The following SETBP1 variants were observed in gnomAD, a reference collection of about 807,000 sequenced individuals.
SETBP1 encodes the protein SET binding protein 1, also known as SET-binding protein.
In SETBP1, 9 loss-of-function variants were observed where a neutral mutation model predicts 101.0. The observed-to-expected ratio is 0.09, with a 90% confidence interval of 0.05 to 0.16. The LOEUF is 0.16. Among genes scored for constraint, SETBP1 ranks in the 10% least tolerant of loss-of-function variants. The pLI, the probability that SETBP1 is intolerant of heterozygous loss-of-function variation, is 1.00. For missense variants in SETBP1, 1,858 were observed against 2,033.8 expected, an observed-to-expected ratio of 0.91 and a Z score of 1.66; for synonymous variants, 818 against 788.5, an observed-to-expected ratio of 1.04 and a Z score of -0.63.
intron 4 of SETBP1, among the ~76,000 whole-genome samples, chr18:44,973,887 GA>G (rs1277270349): frequency 2.0e-5 from 3 of 152,186 alleles, no homozygotes; most frequent in Non-Finnish European, 2.9e-5. Flanking sequence ...TAAGCTGGCA[GA>G]GGGGGGAGTA....
rs6507583 is a variant in SETBP1 at position 44,819,625 on chromosome 18, A to G, written c.487-49605A>G. 0.15 allele frequency among the ~76,000 whole-genome samples: 22,482 copies of G among 151,968 alleles called. 2,602 individuals carry two copies. Among genetic ancestry groups the G allele is most frequent in the African/African-American group, 0.32 (13,327 of 41,378 alleles). On this transcript the variant is annotated intron_variant, in intron 2 of 5. Coordinates refer to ENST00000649279, the MANE Select transcript of SETBP1 (RefSeq NM_015559.3). ...GGTCCCATGCAGGGCAGAGGAAGGA[A>G]ACTCCCATCCAGGCCCTGTGACTGC...
At chr18:44,754,760 G>A (rs1364091032) in intron 2 of SETBP1, among the ~76,000 whole-genome samples, 1 of 152,084 alleles carries the variant, frequency 6.6e-6, no homozygotes, top group Non-Finnish European at 1.5e-5. Context: ...GTTCTCTTTG[G>A]CTCTCTGTCT....
At position 44,756,800 on chromosome 18, in the gene SETBP1, C is replaced by G. The variant is rs76753255; in HGVS notation, c.486+54968C>G. On this transcript the variant is annotated intron_variant, in intron 2 of 5. Coordinates refer to ENST00000649279, the MANE Select transcript of SETBP1 (RefSeq NM_015559.3). The stretch of plus-strand genomic sequence containing the variant: ...TTCTCAGTGCTTCCCAGGAGGAGAG[C>G]TTGCTCTCCTGGGCTGCTCTGTGAA... Among the ~76,000 whole-genome samples, 1,331 of 152,236 alleles carry G rather than the reference C, an allele frequency of 8.7e-3. 19 individuals are homozygous for G. The highest frequency in any genetic ancestry group is 0.031 in the African/African-American group (1,281 of 41,532).
At chr18:44,727,945 C>A in intron 2 of SETBP1, among the ~76,000 whole-genome samples, 1 of 151,964 alleles carries the variant, frequency 6.6e-6, no homozygotes, top group African/African-American at 2.4e-5. Flanking sequence ...CAATTGTATC[C>A]AATAAAAAAA....
At chr18:45,025,975 G>T (rs1451774732) in intron 4 of SETBP1, among the ~76,000 whole-genome samples, 1 of 152,152 alleles carries the variant, frequency 6.6e-6, no homozygotes, top group Admixed American at 6.5e-5. Context: ...TTTCAATGTG[G>T]CTTCTAAATA....
chr18:44,758,570 G>T (rs1179845165), intron 2 of SETBP1, among the ~76,000 whole-genome samples: 1 of 151,968 alleles, frequency 6.6e-6, no homozygotes, highest in Non-Finnish European at 1.5e-5. Flanking sequence ...TTTTAGTAAA[G>T]AGGGGGTTTC....
chr18:44,701,758 G>T lies in SETBP1; in HGVS notation c.412G>T (p.Asp138Tyr), dbSNP rs144184206. 23 of 1,613,816 alleles carry T rather than the reference G, an allele frequency of 1.4e-5. No homozygotes were observed. In the African/African-American group the frequency reaches 2.9e-4, roughly 21 times the overall value. ...EIKITIKQSG[D>Y]QKVSRAGKNS... ...CAAGATCACCATCAAGCAGTCTGGG[G>T]ACCAGAAGGTGTCCCGTGCTGGAAA... Residue 138 changes from aspartate (D) to tyrosine (Y), a missense_variant, in exon 2 of 6, where the codon GAC becomes TAC. By Grantham distance (160) the Asp-to-Tyr change is radical. This residue lies in a region of SETBP1 where 581 missense variants were observed against 535.1 expected (regional missense o/e 1.09). Coordinates refer to ENST00000649279, the MANE Select transcript of SETBP1 (RefSeq NM_015559.3).
chr18:44,964,362 T>G (rs902960154), intron 4 of SETBP1, among the ~76,000 whole-genome samples: 3 of 152,080 alleles, frequency 2.0e-5, no homozygotes, highest in African/African-American at 7.2e-5. Flanking sequence ...CAACAGGAGT[T>G]TGAAACCAGC....
intron 3 of SETBP1, chr18:44,876,539 T>C: frequency 6.6e-7 from 1 of 1,522,186 alleles, no homozygotes; most frequent in African/African-American, 1.4e-5. Context: ...CTCTCCAAAA[T>C]CTAAGTCAGC....
intron 3 of SETBP1, among the ~76,000 whole-genome samples, chr18:44,895,841 A>C (rs2069889663): frequency 6.6e-6 from 1 of 152,182 alleles, no homozygotes; most frequent in South Asian, 2.1e-4. Context: ...AAGAAAAAAA[A>C]TGACACTTTT....
intron 3 of SETBP1, among the ~76,000 whole-genome samples, chr18:44,936,632 T>G (rs1004053547): frequency 6.6e-6 from 1 of 152,180 alleles, no homozygotes; most frequent in African/African-American, 2.4e-5. Context: ...AAGTCTCTTC[T>G]AGGGGCACGT....
At chr18:44,742,893 T>C (rs1321814216) in intron 2 of SETBP1, among the ~76,000 whole-genome samples, 1 of 152,002 alleles carries the variant, frequency 6.6e-6, no homozygotes, top group East Asian at 1.9e-4. Context: ...AAGGAACAGA[T>C]GGGAGAGGCT....
intron 3 of SETBP1, among the ~76,000 whole-genome samples, chr18:44,912,024 G>A (rs1474703196): frequency 6.6e-6 from 1 of 152,060 alleles, no homozygotes; most frequent in Non-Finnish European, 1.5e-5. Flanking sequence ...AAATGCTAGT[G>A]GTTTTGGAGG....
intron 2 of SETBP1, among the ~76,000 whole-genome samples, chr18:44,824,886 G>T (rs931754799): frequency 6.6e-6 from 1 of 152,230 alleles, no homozygotes; most frequent in Non-Finnish European, 1.5e-5. Context: ...AAATCCTGAA[G>T]CAGGAAGATA....
chr18:44,908,626 A>C (rs763025237), intron 3 of SETBP1, among the ~76,000 whole-genome samples: 2 of 152,172 alleles, frequency 1.3e-5, no homozygotes, highest in Non-Finnish European at 2.9e-5. Context: ...GGGAAGTGTG[A>C]GTCCTCCAAC....
chr18:44,897,448 G>A (rs758157297), intron 3 of SETBP1, among the ~76,000 whole-genome samples: 25 of 152,012 alleles, frequency 1.6e-4, no homozygotes, highest in Admixed American at 5.2e-4. Context: ...CCTATTTAGC[G>A]ACCCGGGCTG....
At chr18:44,909,157 G>A (rs1020929193) in intron 3 of SETBP1, among the ~76,000 whole-genome samples, 6 of 152,188 alleles carry the variant, frequency 3.9e-5, no homozygotes, top group Admixed American at 2.0e-4. Flanking sequence ...TGAGAAGGAA[G>A]GAGCAATTGA....
intron 4 of SETBP1, among the ~76,000 whole-genome samples, chr18:45,007,012 A>G (rs186416945): frequency 5.9e-5 from 9 of 152,234 alleles, no homozygotes; most frequent in African/African-American, 2.2e-4. Flanking sequence ...TTTGCGAGAG[A>G]TTATCATTTA....
rs770804298 is a variant in SETBP1, at chr18:44,869,236, A to G, written c.493A>G (p.Thr165Ala). The change falls in exon 3 of 6, where the codon ACA becomes GCA. Residue 165 changes from threonine (T) to alanine (A), a missense_variant. By Grantham distance (58) the Thr-to-Ala change is moderately conservative. Transcript: ENST00000649279. ...ERSHSKKKLL[T>A]ASDLAASDLK... ...TTTCTTTATTCTTTTGCAGCTCCTC[A>G]CAGCCAGTGACCTTGCAGCCAGTGA... 1.9e-6 allele frequency: 3 copies of G among 1,614,112 alleles called. No homozygotes were observed. In the South Asian group the frequency reaches 3.3e-5, roughly 18 times the overall value.
Sources: gnomAD v4.1 joint callset for allele counts (sites outside exome capture counted in the v4.1 genomes callset) on GRCh38, gnomAD v4.1.1 for gene constraint, gnomAD v4.1.1 regional missense constraint, MANE v1.5 for transcripts, NCBI Gene and HGNC (gene_info 2026-07-23, HGNC 2026-07-21) for gene names.